Variants in ACSL1 observed in about 807,000 individuals in gnomAD.
The protein encoded by ACSL1 is acyl-CoA synthetase long chain family member 1, also known as long-chain-fatty-acid--CoA ligase 1.
ACSL1 carries 41 observed loss-of-function variants against 98.4 expected under a neutral mutation model. That is an observed-to-expected ratio of 0.42 (90% CI 0.32 to 0.54). The LOEUF is 0.54. ACSL1 is among the 20% of genes least tolerant of loss of function. The probability of loss-of-function intolerance (pLI) is 0.13; values close to 1 mark genes in which losing one functional copy is unlikely to be tolerated. For synonymous variants in ACSL1, 316 were observed against 322.7 expected (o/e 0.98, Z 0.22); for missense variants, 734 against 883.1 (o/e 0.83, Z 2.14).
chr4:184,792,874 T>C (rs914240306), intron 2 of ACSL1, among the ~76,000 whole-genome samples: 2 of 152,186 alleles, frequency 1.3e-5, no homozygotes, highest in African/African-American at 4.8e-5. Flanking sequence ...CTGAAATGCT[T>C]GTAGGTTTTA....
Position 184,773,915 on chromosome 4 carries a change from T to G in ACSL1, c.757-40A>C, listed in dbSNP as rs747353529. 3.7e-6 allele frequency: 6 copies of G among 1,611,522 alleles called. No individual in the cohort carries two copies. Among genetic ancestry groups the G allele is most frequent in the Non-Finnish European group, 5.1e-6 (6 of 1,178,396 alleles). ...AAAAAAAGTCTTAAATGGAAACGTT[T>G]TCTAACTGTAAAGGATAAGGTCACA... On this transcript the variant is annotated intron_variant, in intron 7 of 20. Coordinates refer to ENST00000281455, the MANE Select transcript of ACSL1 (RefSeq NM_001995.5). This position sits in a 1 kb window ranked among gnomAD's most constrained non-coding sequence, Gnocchi z 4.3.
intron 1 of ACSL1, chr4:184,821,288 G>A: frequency 2.9e-6 from 1 of 343,476 alleles, no homozygotes; most frequent in South Asian, 2.1e-5. Flanking sequence ...GCTTAATAAA[G>A]GAATAAATAG....
intron 11 of ACSL1, among the ~76,000 whole-genome samples, chr4:184,769,855 G>A (rs962397283): frequency 1.3e-5 from 2 of 152,250 alleles, no homozygotes; most frequent in Non-Finnish European, 2.9e-5. Context: ...TAGTCACACA[G>A]TTGATTACAG....
At chr4:184,793,148 C>T (rs1231636025) in intron 2 of ACSL1, among the ~76,000 whole-genome samples, 3 of 150,692 alleles carry the variant, frequency 2.0e-5, no homozygotes, top group Non-Finnish European at 2.9e-5. Flanking sequence ...GTCTTTTATT[C>T]CTCCTGCTAT....
rs138396875 is a variant in ACSL1, at chr4:184,776,940, A to C, written c.521T>G (p.Ile174Ser). ...TCCAAGGGTATCATAAAGTGGAACG[A>C]TCACCATCGAATAAGCAAAGCATCC... ...EQGCFAYSMV[I>S]VPLYDTLGNE... The change falls in exon 6 of 21, where the codon ATC (isoleucine) becomes AGC (serine). Residue 174 changes from isoleucine (I) to serine (S), a missense_variant. By Grantham distance (142) the Ile-to-Ser change is moderately radical (BLOSUM62 -2). Coordinates refer to ENST00000281455, the MANE Select transcript of ACSL1 (RefSeq NM_001995.5). 6.0e-4 allele frequency: 975 copies of C among 1,614,102 alleles called. No individual in the cohort carries two copies. The highest frequency in any genetic ancestry group is 7.6e-4 in the Non-Finnish European group (896 of 1,180,042).
chr4:184,765,737 C>T (rs1271181324), intron 14 of ACSL1, among the ~76,000 whole-genome samples, 154 bp downstream of exon 14: 2 of 152,264 alleles, frequency 1.3e-5, no homozygotes, highest in African/African-American at 2.4e-5. Flanking sequence ...ATATTACATA[C>T]ATCAAAACAT....
chr4:184,809,248 AGAGT>A (rs1771786885), intron 1 of ACSL1, among the ~76,000 whole-genome samples: 1 of 152,218 alleles, frequency 6.6e-6, no homozygotes, highest in Non-Finnish European at 1.5e-5. Context: ...TATCAGAGAA[AGAGT>A]GAGACACAAA....
chr4:184,805,660 ACAAGTCACATGCCGAGCCC>A (rs1771316043), intron 1 of ACSL1: 1 of 262,768 alleles, frequency 3.8e-6, no homozygotes, highest in African/African-American at 2.3e-5. Context: ...CTCTCAGGGC[ACAAGTCACATGCCGAGCCC>A]CACGCTGCTG....
At chr4:184,824,430 T>C (rs1267692916) in intron 1 of ACSL1, among the ~76,000 whole-genome samples, 1 of 151,674 alleles carries the variant, frequency 6.6e-6, no homozygotes, top group Non-Finnish European at 1.5e-5. Flanking sequence ...GTCTGGGTAA[T>C]TTTTTTTTAA....
intron 2 of ACSL1, among the ~76,000 whole-genome samples, chr4:184,789,556 G>C (rs1767983428): frequency 6.6e-6 from 1 of 152,262 alleles, no homozygotes; most frequent in Admixed American, 6.5e-5. Flanking sequence ...TGCATGTGCA[G>C]ACACAGGTCT....
intron 2 of ACSL1, among the ~76,000 whole-genome samples, chr4:184,800,272 T>C (rs879821145): frequency 1.3e-5 from 2 of 152,208 alleles, no homozygotes; most frequent in Non-Finnish European, 2.9e-5. Flanking sequence ...TGCCCAAGGT[T>C]GCCTGGTCTA....
At chr4:184,790,035 A>G (rs1043823059) in intron 2 of ACSL1, among the ~76,000 whole-genome samples, 3 of 152,166 alleles carry the variant, frequency 2.0e-5, no homozygotes, top group Non-Finnish European at 4.4e-5. Context: ...TTAAGGTGTG[A>G]TGAAACAAAA....
At chr4:184,824,283 G>A (rs550512091) in intron 1 of ACSL1, among the ~76,000 whole-genome samples, 52 of 149,950 alleles carry the variant, frequency 3.5e-4, no homozygotes, top group African/African-American at 1.1e-3. Context: ...ATGCCACCAC[G>A]CCTGGCTAAT....
chr4:184,779,874 CTTT>C (rs71591667), intron 5 of ACSL1, among the ~76,000 whole-genome samples: 12 of 141,340 alleles, frequency 8.5e-5, no homozygotes, highest in Admixed American at 2.1e-4. Context: ...GTTTTCCTTT[CTTT>C]TTTTTTTTTT....
chr4:184,765,825 T>A, intron 14 of ACSL1, 66 bp downstream of exon 14: 1 of 1,418,112 alleles, frequency 7.1e-7, no homozygotes, highest in Admixed American at 1.8e-5. Flanking sequence ...TACAGATGAC[T>A]TTTGGTGCAG....
At position 184,803,389 on chromosome 4, in the gene ACSL1, G is replaced by T. The variant is rs374585657; in HGVS notation, c.126C>A (p.Phe42Leu). The T allele has an allele frequency of 1.1e-5, 18 of 1,613,810 alleles. No homozygotes were observed. The highest frequency in any genetic ancestry group is 1.4e-5 in the Non-Finnish European group (16 of 1,179,928). The stretch of plus-strand genomic sequence containing the variant: ...GGGGTTTGGGTCTCGTGGCGTACCA[G>T]AAGGTGGTGAGTGCTGCAAAAGCTC... Reference protein sequence around the residue: ...GFGAFAALTTFWYATRPKPLK... With the variant: ...GFGAFAALTTLWYATRPKPLK... The change falls in exon 2 of 21, where the codon TTC (phenylalanine) becomes TTA (leucine). Residue 42 changes from phenylalanine to leucine, a missense_variant. Transcript: ENST00000281455. The surrounding 1 kb of genome is among the most constrained non-coding windows in gnomAD (Gnocchi z 4.8).
At position 184,766,086 on chromosome 4, in the gene ACSL1, A is replaced by G. The variant is rs1763560829; in HGVS notation, c.1264-100T>C. 1 of 1,074,038 alleles carries G rather than the reference A, an allele frequency of 9.3e-7. No individual in the cohort carries two copies. Among genetic ancestry groups the G allele is most frequent in the East Asian group, 2.5e-5 (1 of 40,458 alleles). 66.5% of individuals were successfully genotyped at this position (1,074,038 alleles called of 1,614,324 possible). On this transcript the variant is annotated intron_variant, in intron 13 of 20. Coordinates refer to ENST00000281455, the MANE Select transcript of ACSL1 (RefSeq NM_001995.5). The surrounding 1 kb of genome is among the most constrained non-coding windows in gnomAD (Gnocchi z 4.8). The stretch of plus-strand genomic sequence containing the variant: ...TGCTTGGGACCCCGTTCCCTAACCC[A>G]TAGCTGCAGACCACACGGAGGCCAC...
At chr4:184,761,713 A>G (rs1219997916) in intron 17 of ACSL1, among the ~76,000 whole-genome samples, 9 of 152,164 alleles carry the variant, frequency 5.9e-5, no homozygotes, top group Admixed American at 5.2e-4. Context: ...GTCTACCACA[A>G]CTTCCCCCAG....
At chr4:184,776,452 C>A in intron 7 of ACSL1, 32 bp downstream of exon 7, 1 of 1,597,840 alleles carries the variant, frequency 6.3e-7, no homozygotes, top group South Asian at 1.1e-5. Flanking sequence ...CAGGGAAAGC[C>A]TTCAGAGAAG....
Sources: allele counts gnomAD v4.1 joint callset (sites outside exome capture counted in the v4.1 genomes callset), GRCh38; gene constraint gnomAD v4.1.1; non-coding constraint Gnocchi (gnomAD v3.1); transcripts MANE v1.5; gene names NCBI Gene and HGNC (gene_info 2026-07-23, HGNC 2026-07-21).